FSTL5: variants seen among roughly 807,000 people sequenced by gnomAD.
FSTL5 encodes follistatin like 5.
FSTL5 carries 62 observed loss-of-function variants against 89.1 expected under a neutral mutation model. That is an observed-to-expected ratio of 0.70 (90% confidence interval 0.57 to 0.86). The LOEUF is 0.86. Ranked by LOEUF, FSTL5 falls within the 40% of genes least tolerant of loss-of-function variation. The pLI, the probability that FSTL5 is intolerant of heterozygous loss-of-function variation, is 0.00. For synonymous variants in FSTL5, 383 were observed against 346.2 expected, an observed-to-expected ratio of 1.11 and a Z score of -1.18; for missense variants, 1,057 against 1,001.6, an observed-to-expected ratio of 1.06 and a Z score of -0.75.
At chr4:161,604,407 G>T (rs1734364893) in intron 7 of FSTL5, among the ~76,000 whole-genome samples, 1 of 152,010 alleles carries the variant, frequency 6.6e-6, no homozygotes, top group Non-Finnish European at 1.5e-5. Context: ...AAAAATAAAT[G>T]ATTAACTAAA....
intron 4 of FSTL5, among the ~76,000 whole-genome samples, chr4:161,821,696 A>G (rs1276248748): frequency 1.3e-5 from 2 of 152,144 alleles, no homozygotes; most frequent in Non-Finnish European, 2.9e-5. Flanking sequence ...AGTTACTTCA[A>G]TTAGAATAAT....
chr4:161,776,648 T>TCA (rs1199976090), intron 4 of FSTL5, among the ~76,000 whole-genome samples: 2 of 151,716 alleles, frequency 1.3e-5, no homozygotes, highest in East Asian at 3.9e-4. Context: ...TTGATGACAT[T>TCA]CACACATATA....
chr4:162,021,228 A>G (rs1322700157), intron 3 of FSTL5, among the ~76,000 whole-genome samples: 1 of 152,108 alleles, frequency 6.6e-6, no homozygotes, highest in Non-Finnish European at 1.5e-5. Flanking sequence ...GCATTTTTTT[A>G]TATATAGGTC....
chr4:162,076,476 G>T (rs1473831212), intron 2 of FSTL5, among the ~76,000 whole-genome samples: 2 of 151,892 alleles, frequency 1.3e-5, no homozygotes, highest in Non-Finnish European at 2.9e-5. Context: ...CAATGGGTTT[G>T]CTGCAGCTTA....
At chr4:161,630,224 T>C (rs1735459360) in intron 7 of FSTL5, among the ~76,000 whole-genome samples, 2 of 152,226 alleles carry the variant, frequency 1.3e-5, no homozygotes, top group Admixed American at 1.3e-4. Context: ...CTAATCCAGC[T>C]TACCCTTTAC....
intron 8 of FSTL5, among the ~76,000 whole-genome samples, chr4:161,577,651 A>G (rs1733275369): frequency 6.6e-6 from 1 of 152,124 alleles, no homozygotes; most frequent in Admixed American, 6.6e-5. Flanking sequence ...GAAGAAAAGC[A>G]TAAAGTAGAG....
chr4:161,534,509 A>G (rs1731527202), intron 10 of FSTL5, among the ~76,000 whole-genome samples: 1 of 152,176 alleles, frequency 6.6e-6, no homozygotes, highest in African/African-American at 2.4e-5. Flanking sequence ...ATAGGAATTT[A>G]TTTAACCAAT....
At chr4:161,569,902 T>C (rs750666535) in intron 8 of FSTL5, among the ~76,000 whole-genome samples, 4 of 151,974 alleles carry the variant, frequency 2.6e-5, no homozygotes, top group Non-Finnish European at 4.4e-5. Flanking sequence ...AGTTGGGGCC[T>C]AGCAATCTAA....
At chr4:161,771,672 A>AGTT (rs754818582) in intron 5 of FSTL5, among the ~76,000 whole-genome samples, 1 of 152,130 alleles carries the variant, frequency 6.6e-6, no homozygotes, top group Non-Finnish European at 1.5e-5. Flanking sequence ...TCCCTTCTTC[A>AGTT]GTTATAACCT....
At chr4:162,039,485 C>G (rs567607991) in intron 2 of FSTL5, among the ~76,000 whole-genome samples, 54 of 151,976 alleles carry the variant, frequency 3.6e-4, no homozygotes, top group African/African-American at 1.3e-3. Flanking sequence ...TGCAGCAATA[C>G]TGGAAAGTTA....
intron 8 of FSTL5, among the ~76,000 whole-genome samples, chr4:161,550,494 G>A (rs1272313917): frequency 2.0e-5 from 3 of 151,282 alleles, no homozygotes; most frequent in Non-Finnish European, 4.4e-5. Flanking sequence ...TTATTTTATT[G>A]AAGGTTAAAA....
intron 4 of FSTL5, among the ~76,000 whole-genome samples, chr4:161,804,881 GC>G (rs997025022): frequency 6.6e-6 from 1 of 151,986 alleles, no homozygotes; most frequent in Non-Finnish European, 1.5e-5. Context: ...CAATTTCTCA[GC>G]CCCCTGGAAA....
At chr4:161,786,116 A>C (rs1179502861) in intron 4 of FSTL5, among the ~76,000 whole-genome samples, 1 of 152,100 alleles carries the variant, frequency 6.6e-6, no homozygotes, top group Non-Finnish European at 1.5e-5. Context: ...TTTAACACCA[A>C]GACAATTATT....
At chr4:161,606,542 A>C (rs904278586) in intron 7 of FSTL5, among the ~76,000 whole-genome samples, 6 of 152,050 alleles carry the variant, frequency 3.9e-5, no homozygotes. Flanking sequence ...ATTATCTGTG[A>C]AGTAATGTGT....
intron 3 of FSTL5, among the ~76,000 whole-genome samples, chr4:161,973,711 T>C (rs554578097): frequency 2.3e-4 from 35 of 152,286 alleles, no homozygotes; most frequent in Admixed American, 7.8e-4. Context: ...ACAGTCAATT[T>C]TGATGACAAG....
intron 3 of FSTL5, among the ~76,000 whole-genome samples, chr4:161,926,245 G>T (rs1399665422): frequency 6.6e-6 from 1 of 151,810 alleles, no homozygotes; most frequent in Non-Finnish European, 1.5e-5. Flanking sequence ...CTGACTAAAA[G>T]TTTGCCCAGT....
At chr4:161,826,672 G>A (rs890361101) in intron 4 of FSTL5, among the ~76,000 whole-genome samples, 1 of 152,092 alleles carries the variant, frequency 6.6e-6, no homozygotes, top group Non-Finnish European at 1.5e-5. Flanking sequence ...TATGGCTGTT[G>A]CTTTGAAGTT....
intron 15 of FSTL5, among the ~76,000 whole-genome samples, chr4:161,449,078 A>T (rs1733059177): frequency 6.6e-6 from 1 of 152,146 alleles, no homozygotes; most frequent in Admixed American, 6.6e-5. Flanking sequence ...AAGCTGTGGG[A>T]ACTGGCATTT....
intron 12 of FSTL5, among the ~76,000 whole-genome samples, chr4:161,482,305 G>A (rs1395606400): frequency 6.6e-6 from 1 of 150,468 alleles, no homozygotes; most frequent in Non-Finnish European, 1.5e-5. Flanking sequence ...GACAGAGCGA[G>A]ACTCCGTCTC....
Sources: gnomAD v4.1 joint callset for allele counts (sites outside exome capture counted in the v4.1 genomes callset) on GRCh38, gnomAD v4.1.1 for gene constraint, MANE v1.5 for transcripts, NCBI Gene and HGNC (gene_info 2026-07-23, HGNC 2026-07-21) for gene names.